Variants in FSTL5 observed in about 807,000 individuals in gnomAD.
The protein encoded by FSTL5 is follistatin like 5, also known as follistatin-related protein 5.
FSTL5 carries 62 observed loss-of-function variants against 89.1 expected under a neutral mutation model. That is an observed-to-expected ratio of 0.70 (90% CI 0.57 to 0.86). The LOEUF (loss-of-function observed/expected upper bound fraction) is 0.86, where lower values mean the gene tolerates loss of function less well. FSTL5 is among the 40% of genes least tolerant of loss of function. FSTL5 has a pLI of 0.00. For synonymous variants in FSTL5, 383 were observed against 346.2 expected (o/e 1.11, Z -1.18); for missense variants, 1,057 against 1,001.6 (o/e 1.06, Z -0.75).
rs1733190365 is a variant in FSTL5, at chr4:162,150,640, C to CATT, written c.-17+12972_-17+12974dup. On this transcript the variant is annotated intron_variant, in intron 1 of 15. Coordinates refer to ENST00000306100, the MANE Select transcript of FSTL5 (RefSeq NM_020116.5). Reference sequence around the variant, plus strand: ...CAAATGTAAATAAAAATCCAGAGTGCATTTTTACTCAACAAAATCATGGCA... The same window carrying CATT: ...CAAATGTAAATAAAAATCCAGAGTGCATTATTTTTACTCAACAAAATCATGGCA... Among the ~76,000 whole-genome samples the CATT allele has an allele frequency of 3.3e-5, 5 of 152,182 alleles. No individual in the cohort carries two copies. The South Asian group carries it at 1.0e-3, about 32-fold the overall frequency.
chr4:162,084,182 A>C (rs1318279415), intron 2 of FSTL5, among the ~76,000 whole-genome samples: 1 of 152,036 alleles, frequency 6.6e-6, no homozygotes, highest in Non-Finnish European at 1.5e-5. Context: ...TTATAGAACC[A>C]GAGTTTTGTA....
intron 4 of FSTL5, among the ~76,000 whole-genome samples, chr4:161,882,364 A>G (rs1732660469): frequency 1.3e-5 from 2 of 152,028 alleles, no homozygotes; most frequent in South Asian, 4.1e-4. Flanking sequence ...CAAATCCTCA[A>G]CTAATTCCCG....
chr4:161,959,890 G>A (rs571565813), intron 3 of FSTL5, among the ~76,000 whole-genome samples: 10 of 152,106 alleles, frequency 6.6e-5, no homozygotes, highest in African/African-American at 2.4e-4. Context: ...TTTACATTCT[G>A]GGAGCAGTTT....
intron 15 of FSTL5, among the ~76,000 whole-genome samples, chr4:161,452,353 G>C (rs1733194621): frequency 6.6e-6 from 1 of 152,050 alleles, no homozygotes; most frequent in African/African-American, 2.4e-5. Context: ...GAGGACTCCT[G>C]TAATCCCAGC....
intron 14 of FSTL5, 69 bp downstream of exon 14, chr4:161,459,143 C>A: frequency 3.0e-6 from 3 of 984,370 alleles, no homozygotes; most frequent in East Asian, 4.8e-5. Context: ...TAAATGATCA[C>A]AAATATCCAA....
In FSTL5 at chr4:161,664,675, G is replaced by A. The variant is rs75490478; in HGVS notation, c.728-8181C>T. ...TTCTAAACTCTGCCTGATACCCAGT[G>A]CAAGTCACTTCCACATTTTCAGGTG... On this transcript the variant is annotated intron_variant, in intron 6 of 15. Transcript: ENST00000306100. The A allele has an allele frequency of 1.9e-3, 295 of 153,334 alleles. 1 individual carries two copies. The highest frequency in any genetic ancestry group is 6.7e-3 in the African/African-American group (277 of 41,558). The allele number at this position is 153,334 out of a possible 1,614,324, so 9.5% of individuals were successfully genotyped here. A position where few individuals can be genotyped will look rare whatever the true frequency, so the allele number is the denominator to read the frequency against.
intron 7 of FSTL5, among the ~76,000 whole-genome samples, chr4:161,643,802 G>C (rs1029605457): frequency 3.9e-5 from 6 of 152,152 alleles, no homozygotes; most frequent in African/African-American, 1.4e-4. Context: ...TCAGTTGATT[G>C]ATAATTCTGC....
At chr4:162,076,421 A>C (rs1729848897) in intron 2 of FSTL5, among the ~76,000 whole-genome samples, 1 of 151,904 alleles carries the variant, frequency 6.6e-6, no homozygotes, top group South Asian at 2.1e-4. Flanking sequence ...TTTGATTTTC[A>C]GTATAAAAAA....
chr4:162,129,378 C>T (rs933395425), intron 1 of FSTL5, among the ~76,000 whole-genome samples: 9 of 152,146 alleles, frequency 5.9e-5, no homozygotes, highest in African/African-American at 1.9e-4. Context: ...TCCCAGAAAA[C>T]TCATCTGGAA....
chr4:161,778,100 A>T (rs1741486247), intron 4 of FSTL5, among the ~76,000 whole-genome samples: 3 of 147,648 alleles, frequency 2.0e-5, no homozygotes, highest in African/African-American at 2.5e-5. Context: ...TATCACACAC[A>T]CACACACACA....
At chr4:161,415,399 G>T (rs1210708227) in intron 15 of FSTL5, among the ~76,000 whole-genome samples, 2 of 151,988 alleles carry the variant, frequency 1.3e-5, no homozygotes, top group African/African-American at 2.4e-5. Context: ...TGGGTTACAG[G>T]CACCCACCAT....
chr4:161,805,986 T>C (rs1399349672), intron 4 of FSTL5, among the ~76,000 whole-genome samples: 1 of 152,102 alleles, frequency 6.6e-6, no homozygotes, highest in African/African-American at 2.4e-5. Flanking sequence ...TTATTGTTAA[T>C]CTCTCACCAT....
intron 3 of FSTL5, among the ~76,000 whole-genome samples, chr4:161,975,948 T>A (rs1475288069): frequency 7.0e-6 from 1 of 141,986 alleles, no homozygotes; most frequent in African/African-American, 2.8e-5. Flanking sequence ...ACCCCGTCTC[T>A]ACTAAAAATA....
intron 2 of FSTL5, among the ~76,000 whole-genome samples, chr4:162,072,258 G>A (rs1054792722): frequency 6.6e-6 from 1 of 151,718 alleles, no homozygotes; most frequent in Non-Finnish European, 1.5e-5. Context: ...CATCTGCAAA[G>A]CCAAAGTGTG....
At chr4:161,398,447 AAT>A (rs1731075479) in intron 15 of FSTL5, among the ~76,000 whole-genome samples, 1 of 152,106 alleles carries the variant, frequency 6.6e-6, no homozygotes. Context: ...TGCTTCAGTA[AAT>A]AATCTGAGAG....
chr4:162,025,355 T>C (rs1737241529), intron 3 of FSTL5, among the ~76,000 whole-genome samples: 1 of 152,190 alleles, frequency 6.6e-6, no homozygotes, highest in African/African-American at 2.4e-5. Context: ...CATGATTTTT[T>C]TGCATTTTAC....
At chr4:161,505,906 G>A (rs1172905987) in intron 11 of FSTL5, among the ~76,000 whole-genome samples, 3 of 152,124 alleles carry the variant, frequency 2.0e-5, no homozygotes, top group Non-Finnish European at 4.4e-5. Context: ...ACAACAGGTT[G>A]ATTGTGATTT....
Position 161,415,462 on chromosome 4 carries a change from C to G in FSTL5, c.1842-29013G>C, listed in dbSNP as rs187975311. 4.3e-3 allele frequency among the ~76,000 whole-genome samples: 661 copies of G among 152,028 alleles called. 7 individuals are homozygous for G. The highest frequency in any genetic ancestry group is 0.014 in the African/African-American group (591 of 41,464). ...TAGAGATGGTGTTTCACCATGTTGGCCAGGCTGGTCTCGAACTCCTAACCT... is the reference window on the plus strand; with the variant it reads ...TAGAGATGGTGTTTCACCATGTTGGGCAGGCTGGTCTCGAACTCCTAACCT... On this transcript the variant is annotated intron_variant, in intron 15 of 15. Coordinates refer to ENST00000306100, the MANE Select transcript of FSTL5 (RefSeq NM_020116.5).
At chr4:161,834,024 C>T (rs1038155111) in intron 4 of FSTL5, among the ~76,000 whole-genome samples, 3 of 152,094 alleles carry the variant, frequency 2.0e-5, no homozygotes, top group Non-Finnish European at 2.9e-5. Flanking sequence ...CACCAATATC[C>T]TTGATGAACA....
Sources: gnomAD v4.1 joint callset for allele counts (sites outside exome capture counted in the v4.1 genomes callset) on GRCh38, gnomAD v4.1.1 for gene constraint, MANE v1.5 for transcripts, NCBI Gene and HGNC (gene_info 2026-07-23, HGNC 2026-07-21) for gene names.